ACSS2: variants seen among roughly 807,000 people sequenced by gnomAD.
ACSS2 encodes the protein acyl-CoA synthetase short chain family member 2, also known as acetyl-coenzyme A synthetase, cytoplasmic.
A neutral mutation model predicts 90.6 loss-of-function variants in ACSS2; 58 were observed. That is an observed-to-expected ratio of 0.64 (90% CI 0.52 to 0.80). ACSS2 has a LOEUF of 0.80. ACSS2 is among the 30% of genes least tolerant of loss of function. ACSS2 has a pLI of 0.00. For synonymous variants in ACSS2, 300 were observed against 330.9 expected, an observed-to-expected ratio of 0.91 and a Z score of 1.01; for missense variants, 759 against 912.0, an observed-to-expected ratio of 0.83 and a Z score of 2.16.
At chr20:34,918,190 T>G (rs922958462) in intron 7 of ACSS2, among the ~76,000 whole-genome samples, 1 of 152,218 alleles carries the variant, frequency 6.6e-6, no homozygotes, top group Non-Finnish European at 1.5e-5. Flanking sequence ...TAGATAATAC[T>G]TTTTTCTTTT....
intron 2 of ACSS2, among the ~76,000 whole-genome samples, chr20:34,898,321 C>T (rs180983807): frequency 1.9e-4 from 29 of 152,338 alleles, no homozygotes; most frequent in African/African-American, 5.5e-4. Flanking sequence ...TCTGTTTTGA[C>T]AGGGTGCCGA....
upstream of ACSS2, among the ~76,000 whole-genome samples, chr20:34,875,292 G>C (rs1471159974): frequency 6.6e-6 from 1 of 152,206 alleles, no homozygotes; most frequent in Admixed American, 6.5e-5. Context: ...ATGTGGGCCA[G>C]GTGTGGTGGC....
intron 2 of ACSS2, among the ~76,000 whole-genome samples, chr20:34,905,216 C>T (rs1300174553): frequency 6.6e-6 from 1 of 151,636 alleles, no homozygotes; most frequent in Non-Finnish European, 1.5e-5. Context: ...TGCAACTGGC[C>T]TTAAAGCTTT....
At chr20:34,891,183 A>G (rs1262113526) in intron 2 of ACSS2, among the ~76,000 whole-genome samples, 1 of 152,230 alleles carries the variant, frequency 6.6e-6, no homozygotes, top group Non-Finnish European at 1.5e-5. Flanking sequence ...TAGTTTCACA[A>G]CAGCATATCT....
chr20:34,924,679 T>C (rs1457962252), intron 14 of ACSS2, among the ~76,000 whole-genome samples: 5 of 87,610 alleles, frequency 5.7e-5, no homozygotes, highest in East Asian at 2.4e-4. Flanking sequence ...GGGAAACCTT[T>C]TTTTTGTTGT....
intron 2 of ACSS2, 65 bp downstream of exon 2, chr20:34,883,054 A>C: frequency 7.8e-7 from 1 of 1,279,922 alleles, no homozygotes; most frequent in Non-Finnish European, 1.1e-6. Context: ...ACAACAACCC[A>C]GTAGAGTAAG....
At chr20:34,892,963 A>C (rs1226778551) in intron 2 of ACSS2, among the ~76,000 whole-genome samples, 1 of 152,150 alleles carries the variant, frequency 6.6e-6, no homozygotes, top group African/African-American at 2.4e-5. Context: ...TTCCTAAACA[A>C]CCATGTCGGT....
In ACSS2 at chr20:34,913,206, G is replaced by A; in HGVS notation, c.466+19G>A. Reference sequence around the variant, plus strand: ...AAACAGGGTGAGTGTGGGGGTGTGGGAAAGGACTGGGGGTCTGGCCTTGGG... The same window carrying A: ...AAACAGGGTGAGTGTGGGGGTGTGGAAAAGGACTGGGGGTCTGGCCTTGGG... On this transcript the variant is annotated intron_variant, in intron 3 of 17. Coordinates refer to ENST00000360596, the MANE Select transcript of ACSS2 (RefSeq NM_018677.4). 1 of 1,612,548 alleles carries A rather than the reference G, an allele frequency of 6.2e-7. No individual in the cohort carries two copies. The highest frequency in any genetic ancestry group is 2.2e-5 in the East Asian group (1 of 44,872).
Position 34,876,738 on chromosome 20 carries a change from G to A in ACSS2, c.93G>A (p.Pro31=). 3 of 1,436,834 alleles carry A rather than the reference G, an allele frequency of 2.1e-6. No individual in the cohort carries two copies. The highest frequency in any genetic ancestry group is 9.2e-7 in the Non-Finnish European group (1 of 1,086,320). 89.0% of individuals were successfully genotyped at this position (1,436,834 alleles called of 1,614,324 possible). The change falls in exon 1 of 18, where the codon CCG becomes CCA. Residue 31 remains proline (P), a synonymous_variant. Coordinates refer to ENST00000360596, the MANE Select transcript of ACSS2 (RefSeq NM_018677.4). ...GAGGRARSWS[P]PPEVSRSAHV... Reference sequence around the variant, plus strand: ...GAGGCCGGGCGCGGAGTTGGTCTCCGCCGCCCGAGGTCAGCCGCTCCGCGC... The same window carrying A: ...GAGGCCGGGCGCGGAGTTGGTCTCCACCGCCCGAGGTCAGCCGCTCCGCGC...
intron 2 of ACSS2, among the ~76,000 whole-genome samples, chr20:34,893,151 TTTTC>T (rs923052712): frequency 1.1e-4 from 17 of 152,126 alleles, no homozygotes; most frequent in African/African-American, 4.1e-4. Context: ...AAGATTTTCC[TTTTC>T]TTTCTCTCTT....
At chr20:34,887,798 T>C (rs6060107) in intron 2 of ACSS2, among the ~76,000 whole-genome samples, 102,866 of 151,622 alleles carry the variant, frequency 0.68, 36,705 homozygotes, top group African/African-American at 0.91. Flanking sequence ...GGGCCAGGCA[T>C]AGTGGCTCAC....
intron 2 of ACSS2, among the ~76,000 whole-genome samples, chr20:34,892,673 C>T (rs1383775084): frequency 2.0e-5 from 3 of 152,178 alleles, no homozygotes; most frequent in Non-Finnish European, 4.4e-5. Flanking sequence ...GGGCTTAGTG[C>T]TTGGCAAAAA....
At chr20:34,918,164 A>T (rs1600347559) in intron 7 of ACSS2, among the ~76,000 whole-genome samples, 1 of 152,132 alleles carries the variant, frequency 6.6e-6, no homozygotes, top group Non-Finnish European at 1.5e-5. Context: ...GGGGCAATCC[A>T]AGGCTTGATG....
At chr20:34,910,914 C>G (rs1161719320) in intron 2 of ACSS2, among the ~76,000 whole-genome samples, 1 of 152,132 alleles carries the variant, frequency 6.6e-6, no homozygotes, top group Non-Finnish European at 1.5e-5. Flanking sequence ...GCTTGACCTC[C>G]AGGGTACAAG....
Position 34,899,395 on chromosome 20 carries a change from T to TTTCC in ACSS2, c.375-13698_375-13697insCTTC, listed in dbSNP as rs1266337248. On this transcript the variant is annotated intron_variant, in intron 2 of 17. Transcript: ENST00000360596. Reference sequence around the variant, plus strand: ...GTTATCACATTTTTTTCTTTCTTTCTTTCTTTCCTTCTTTCTTTCTTTCTT... The same window carrying TTTCC: ...GTTATCACATTTTTTTCTTTCTTTCTTTCCTTCTTTCCTTCTTTCTTTCTTTCTT... Among the ~76,000 whole-genome samples, 284 of 119,352 alleles carry TTTCC rather than the reference T, an allele frequency of 2.4e-3. 2 individuals carry two copies. The highest frequency in any genetic ancestry group is 9.7e-3 in the African/African-American group (272 of 27,958). 78.3% of individuals were successfully genotyped at this position (119,352 alleles called of 152,430 possible). A position where few individuals can be genotyped will look rare whatever the true frequency, so the allele number is the denominator to read the frequency against.
At chr20:34,905,681 T>A (rs977008586) in intron 2 of ACSS2, among the ~76,000 whole-genome samples, 2 of 152,244 alleles carry the variant, frequency 1.3e-5, no homozygotes. Flanking sequence ...AGGTACTAGA[T>A]GCCTCCTTTT....
In ACSS2 at chr20:34,910,884, A is replaced by G. The variant is rs1369466044; in HGVS notation, c.375-2212A>G. ...GTTGTCCAGGCTGGAGTTCAGTGACATGATTACAGCTCACTGCAGGCTTGA... is the reference window on the plus strand; with the variant it reads ...GTTGTCCAGGCTGGAGTTCAGTGACGTGATTACAGCTCACTGCAGGCTTGA... On this transcript the variant is annotated intron_variant, in intron 2 of 17. Transcript: ENST00000360596. Among the ~76,000 whole-genome samples the G allele has an allele frequency of 2.0e-5, 3 of 152,144 alleles. No homozygotes were observed. In the East Asian group the frequency reaches 5.8e-4, roughly 29 times the overall value.
Position 34,882,861 on chromosome 20 carries a change from C to T in ACSS2, c.246C>T (p.Tyr82=). Residue 82 remains tyrosine, a synonymous_variant, in exon 2 of 18, where the codon TAC becomes TAT. Coordinates refer to ENST00000360596, the MANE Select transcript of ACSS2 (RefSeq NM_018677.4). The stretch of plus-strand genomic sequence containing the variant: ...CATGCCCTGGCCCATTCCTTCGGTA[C>T]AACTTTGATGTGACTAAAGGGAAAA... ...KTPCPGPFLR[Y]NFDVTKGKIF... 1 of 1,613,842 alleles carries T rather than the reference C, an allele frequency of 6.2e-7. No individual in the cohort carries two copies. Among genetic ancestry groups the T allele is most frequent in the Non-Finnish European group, 8.5e-7 (1 of 1,179,920 alleles).
intron 2 of ACSS2, among the ~76,000 whole-genome samples, chr20:34,888,416 A>G (rs1370490479): frequency 1.3e-5 from 2 of 152,242 alleles, no homozygotes; most frequent in African/African-American, 4.8e-5. Context: ...GCACTTAAAT[A>G]TTAGCCACCA....
Sources: allele counts gnomAD v4.1 joint callset (sites outside exome capture counted in the v4.1 genomes callset), GRCh38; gene constraint gnomAD v4.1.1; transcripts MANE v1.5; gene names NCBI Gene and HGNC (gene_info 2026-07-23, HGNC 2026-07-21).